The following ZNF486 variants were observed in gnomAD, a reference collection of about 807,000 sequenced individuals.
ZNF486 encodes zinc finger protein 486, also known as KRAB box only protein 2.
Under a neutral mutation model 12.8 loss-of-function variants are expected in ZNF486, and 12 were observed. The ratio of observed to expected loss-of-function variants is 0.94; its 90% CI spans 0.60 to 1.52. The LOEUF (loss-of-function observed/expected upper bound fraction) is 1.52. Among genes scored for constraint, ZNF486 ranks in the 40% most tolerant of loss-of-function variants. The pLI is 0.00. For synonymous variants in ZNF486, 231 were observed against 184.9 expected (o/e 1.25, Z -2.02); for missense variants, 738 against 545.0 (o/e 1.35, Z -3.53).
intron 3 of ZNF486, among the ~76,000 whole-genome samples, chr19:20,189,273 G>A (rs1335388320): frequency 2.0e-5 from 3 of 152,028 alleles, no homozygotes; most frequent in African/African-American, 7.2e-5. Context: ...GGTTTATTAT[G>A]TTGGCCAGGC....
At position 20,197,626 on chromosome 19, in the gene ZNF486, C is replaced by A. The variant is rs782396340; in HGVS notation, c.916C>A (p.Pro306Thr). The change falls in exon 4 of 4, where the codon CCT becomes ACT. Residue 306 changes from proline to threonine, a missense_variant. By Grantham distance (38) the Pro-to-Thr change is conservative. Transcript: ENST00000335117. ...CKECDKAFNH[P>T]ATLSSHKKIH... is the part of the protein sequence containing the mutation. The stretch of plus-strand genomic sequence containing the variant: ...AGAATGTGACAAAGCTTTTAACCAT[C>A]CTGCAACTCTTTCTTCACATAAGAA... The A allele has an allele frequency of 1.2e-6, 2 of 1,613,548 alleles. No homozygotes were observed. The highest frequency in any genetic ancestry group is 4.5e-5 in the East Asian group (2 of 44,842).
intron 2 of ZNF486, among the ~76,000 whole-genome samples, chr19:20,184,988 G>A (rs554016586): frequency 6.6e-6 from 1 of 152,212 alleles, no homozygotes; most frequent in South Asian, 2.1e-4. Flanking sequence ...GCATAGTCCT[G>A]TAATCCCAGC....
chr19:20,186,075 A>T lies in ZNF486; in HGVS notation c.246A>T (p.Lys82Asn), dbSNP rs1374412604. 4.4e-6 allele frequency: 7 copies of T among 1,581,592 alleles called. No homozygotes were observed. The African/African-American group carries it at 6.9e-5, about 16-fold the overall frequency. ...LTMKRHEMIA[K>N]PPVVCSHFAQ... Reference sequence around the variant, plus strand: ...TGAAGAGACATGAGATGATTGCCAAACCCCCAGGTAGGTGCGAATGAAAAT... The same window carrying T: ...TGAAGAGACATGAGATGATTGCCAATCCCCCAGGTAGGTGCGAATGAAAAT... The change falls in exon 3 of 4, where the codon AAA (lysine) becomes AAT (asparagine). Residue 82 changes from lysine to asparagine, a missense_variant. Lys to Asn is a moderately conservative substitution (Grantham distance 94, BLOSUM62 0). Coordinates refer to ENST00000335117, the MANE Select transcript of ZNF486 (RefSeq NM_052852.4).
intron 3 of ZNF486, among the ~76,000 whole-genome samples, chr19:20,186,346 A>AT (rs1298554831): frequency 5.9e-5 from 9 of 152,124 alleles, no homozygotes; most frequent in Admixed American, 3.3e-4. Context: ...ATTCCTCTTT[A>AT]TGGCATATAA....
Position 20,197,736 on chromosome 19 carries a change from G to C in ZNF486, c.1026G>C (p.Lys342Asn). 6.2e-7 allele frequency: 1 copy of C among 1,606,754 alleles called. No individual in the cohort carries two copies. Among genetic ancestry groups the C allele is most frequent in the Non-Finnish European group, 8.5e-7 (1 of 1,177,560 alleles). Reference sequence around the variant, plus strand: ...CCTCGATCCTTAGTAAACATGAGAAGATTCATACGGGAGAGAAACCCTACA... The same window carrying C: ...CCTCGATCCTTAGTAAACATGAGAACATTCATACGGGAGAGAAACCCTACA... ...ISSSILSKHE[K>N]IHTGEKPYKC... is the part of the protein sequence containing the mutation. Residue 342 changes from lysine to asparagine, a missense_variant, in exon 4 of 4, where the codon AAG (lysine) becomes AAC (asparagine). Lys to Asn is a moderately conservative substitution (Grantham distance 94). Coordinates refer to ENST00000335117, the MANE Select transcript of ZNF486 (RefSeq NM_052852.4).
intron 3 of ZNF486, among the ~76,000 whole-genome samples, chr19:20,191,383 C>A (rs375811372): frequency 2.9e-4 from 44 of 149,492 alleles, no homozygotes; most frequent in African/African-American, 1.1e-3. Flanking sequence ...AGGAGAGTGG[C>A]GTGAATCTGG....
intron 1 of ZNF486, among the ~76,000 whole-genome samples, chr19:20,179,364 T>C (rs1248728392): frequency 6.6e-6 from 1 of 152,246 alleles, no homozygotes; most frequent in Non-Finnish European, 1.5e-5. Flanking sequence ...TGACATATCT[T>C]CCTGTAAATA....
At chr19:20,171,282 G>A (rs1048956491) in intron 1 of ZNF486, among the ~76,000 whole-genome samples, 22 of 152,168 alleles carry the variant, frequency 1.4e-4, no homozygotes, top group African/African-American at 4.6e-4. Context: ...TTCTCCCAGG[G>A]TGACAGAGGA....
chr19:20,178,533 C>T (rs979818142), intron 1 of ZNF486, among the ~76,000 whole-genome samples: 4 of 152,106 alleles, frequency 2.6e-5, no homozygotes, highest in South Asian at 2.1e-4. Flanking sequence ...TGAGCCACCG[C>T]GCCTGGCCAA....
intron 3 of ZNF486, among the ~76,000 whole-genome samples, chr19:20,196,558 G>A (rs936101052): frequency 6.6e-6 from 1 of 152,034 alleles, no homozygotes; most frequent in Non-Finnish European, 1.5e-5. Flanking sequence ...TTGAACTCCT[G>A]ACCTCAAGTG....
intron 3 of ZNF486, among the ~76,000 whole-genome samples, chr19:20,186,696 T>C (rs2089850480): frequency 6.6e-6 from 1 of 152,086 alleles, no homozygotes; most frequent in African/African-American, 2.4e-5. Context: ...CACTGCAATT[T>C]TGATAGGAGG....
chr19:20,179,337 C>G (rs2089759245), intron 1 of ZNF486, among the ~76,000 whole-genome samples: 1 of 152,226 alleles, frequency 6.6e-6, no homozygotes, highest in Non-Finnish European at 1.5e-5. Context: ...AGCCCACTTT[C>G]TGTCCCTGTC....
chr19:20,173,630 A>C (rs529993508), intron 1 of ZNF486, among the ~76,000 whole-genome samples: 11 of 152,134 alleles, frequency 7.2e-5, no homozygotes, highest in Non-Finnish European at 1.6e-4. Flanking sequence ...GGAGATAGAG[A>C]TCATCCTGGC....
chr19:20,168,335 C>T (rs1283618074), intron 1 of ZNF486, among the ~76,000 whole-genome samples: 3 of 147,808 alleles, frequency 2.0e-5, no homozygotes, highest in African/African-American at 7.6e-5. Flanking sequence ...CTTAAGTGTG[C>T]GTGACAGAGC....
Position 20,196,966 on chromosome 19 carries a change from G to C in ZNF486, c.256G>C (p.Val86Leu), listed in dbSNP as rs543055426. 3 of 1,541,584 alleles carry C rather than the reference G, an allele frequency of 1.9e-6. No homozygotes were observed. The highest frequency in any genetic ancestry group is 1.3e-5 in the South Asian group (1 of 77,316). ...RHEMIAKPPVVCSHFAQDLWP... is the reference protein window; with the variant it reads ...RHEMIAKPPVLCSHFAQDLWP... Reference sequence around the variant, plus strand: ...TGTGTTTTTATTGTTTCTTTCAGTTGTGTGTTCTCATTTTGCCCAAGACCT... The same window carrying C: ...TGTGTTTTTATTGTTTCTTTCAGTTCTGTGTTCTCATTTTGCCCAAGACCT... Residue 86 changes from valine (V) to leucine (L), a missense_variant and splice_region_variant, in exon 4 of 4, where the codon GTG (valine) becomes CTG (leucine). Physicochemically the swap from Val to Leu is conservative, Grantham distance 32. Coordinates refer to ENST00000335117, the MANE Select transcript of ZNF486 (RefSeq NM_052852.4).
At chr19:20,192,084 C>T (rs782522332) in intron 3 of ZNF486, among the ~76,000 whole-genome samples, 10 of 152,058 alleles carry the variant, frequency 6.6e-5, no homozygotes, top group Non-Finnish European at 1.3e-4. Flanking sequence ...TAATATCATT[C>T]TTTGTCTAAT....
At chr19:20,188,675 A>T (rs1555716816) in intron 3 of ZNF486, 1 of 386,612 alleles carries the variant, frequency 2.6e-6, no homozygotes, top group African/African-American at 2.1e-5. Context: ...TGTTCATTTC[A>T]GGCATGTTAA....
At chr19:20,196,216 G>A (rs8104682) in intron 3 of ZNF486, among the ~76,000 whole-genome samples, 12,146 of 152,030 alleles carry the variant, frequency 0.08, 756 homozygotes, top group African/African-American at 0.18. Flanking sequence ...GGGTTTTACC[G>A]TGTTGGTCAG....
At chr19:20,174,668 T>A (rs1229447204) in intron 1 of ZNF486, among the ~76,000 whole-genome samples, 1 of 152,186 alleles carries the variant, frequency 6.6e-6, no homozygotes, top group Non-Finnish European at 1.5e-5. Context: ...AGATTACAGG[T>A]GTGAGCCATA....
Sources: allele counts gnomAD v4.1 joint callset (sites outside exome capture counted in the v4.1 genomes callset), GRCh38; gene constraint gnomAD v4.1.1; transcripts MANE v1.5; gene names NCBI Gene and HGNC (gene_info 2026-07-23, HGNC 2026-07-21).